ZNF519: variants seen among roughly 807,000 people sequenced by gnomAD.
ZNF519 encodes the protein similar to Zinc finger protein 85 (Zinc finger protein HPF4) (HTF1).
ZNF519 carries 7 observed loss-of-function variants against 7.4 expected under a neutral mutation model. The ratio of observed to expected loss-of-function variants is 0.94; its 90% CI spans 0.54 to 1.77. ZNF519 has a LOEUF of 1.77. Ranked by LOEUF, ZNF519 falls within the 40% of genes most tolerant of loss-of-function variation. The probability of loss-of-function intolerance (pLI) is 0.00; values close to 1 mark genes in which losing one functional copy is unlikely to be tolerated. For synonymous variants in ZNF519, 179 were observed against 203.3 expected (o/e 0.88, Z 1.02); for missense variants, 586 against 623.1 (o/e 0.94, Z 0.63).
intron 2 of ZNF519, chr18:14,124,055 C>G (rs1304808795): frequency 5.8e-6 from 1 of 173,644 alleles, no homozygotes; most frequent in African/African-American, 2.4e-5. Flanking sequence ...CGCCTGTAAT[C>G]CCAGCTATTC....
Position 14,104,325 on chromosome 18 carries a change from T to C in ZNF519, c.*592A>G, listed in dbSNP as rs1055651625. 2.6e-5 allele frequency: 4 copies of C among 152,306 alleles called. No homozygotes were observed. Among genetic ancestry groups the C allele is most frequent in the Admixed American group, 6.5e-5 (1 of 15,276 alleles). 9.4% of individuals were successfully genotyped at this position (152,306 alleles called of 1,614,324 possible). On this transcript the variant is annotated 3_prime_UTR_variant, in exon 3 of 3. Coordinates refer to ENST00000590202, the MANE Select transcript of ZNF519 (RefSeq NM_145287.4). Reference sequence around the variant, plus strand: ...GAACACCTAACTCATATATGACTTATATTCAGTGTTGTAAGTCAAACAAAA... The same window carrying C: ...GAACACCTAACTCATATATGACTTACATTCAGTGTTGTAAGTCAAACAAAA...
At chr18:14,095,035 AG>A (rs1434957634), downstream of ZNF519, among the ~76,000 whole-genome samples, 3 of 152,214 alleles carry the variant, frequency 2.0e-5, no homozygotes, top group Non-Finnish European at 4.4e-5. Flanking sequence ...CTTTAGGGTC[AG>A]TCCCTGGTGC....
At chr18:14,080,400 C>T (rs1024388426) in intron 3 of ZNF519, 2 of 142,234 alleles carry the variant, frequency 1.4e-5, no homozygotes, top group African/African-American at 5.2e-5. Flanking sequence ...CAGCTCACTG[C>T]AACCTCCACC....
rs747355879 is a variant in ZNF519 at position 14,105,819 on chromosome 18, T to C, written c.721A>G (p.Lys241Glu). 1 of 1,602,688 alleles carries C rather than the reference T, an allele frequency of 6.2e-7. No homozygotes were observed. The highest frequency in any genetic ancestry group is 1.1e-5 in the South Asian group (1 of 88,372). The change falls in exon 3 of 3, where the codon AAA (lysine) becomes GAA (glutamate). Residue 241 changes from lysine to glutamate, a missense_variant. Transcript: ENST00000590202. ...YIGESSQRCN[K>E]KCIIVFSQSH... ...TGACTAAAGACTATTATACATTTTT[T>C]ATTACATCTTTGTGAGCTCTCTCCA...
downstream of ZNF519, among the ~76,000 whole-genome samples, chr18:14,095,841 C>G (rs964411703): frequency 1.3e-5 from 2 of 152,226 alleles, no homozygotes; most frequent in East Asian, 3.9e-4. Context: ...GGAGCAGTCT[C>G]TTGGTTGCCA....
At chr18:14,112,977 T>A (rs985437392) in intron 2 of ZNF519, among the ~76,000 whole-genome samples, 4 of 151,962 alleles carry the variant, frequency 2.6e-5, no homozygotes, top group East Asian at 1.9e-4. Context: ...CAAGAAAAAA[T>A]TTTGCCTTTA....
In ZNF519 at chr18:14,105,195, G is replaced by C. The variant is rs748593382; in HGVS notation, c.1345C>G (p.Arg449Gly). The C allele has an allele frequency of 3.8e-5, 59 of 1,571,504 alleles. No individual in the cohort carries two copies. Among genetic ancestry groups the C allele is most frequent in the Admixed American group, 6.8e-5 (4 of 58,652 alleles). The change falls in exon 3 of 3, where the codon CGA (arginine) becomes GGA (glycine). Residue 449 changes from arginine to glycine, a missense_variant. Transcript: ENST00000590202. Reference protein sequence around the residue: ...KAFNRGSHLTRHQRIHTGEKS... With the variant: ...KAFNRGSHLTGHQRIHTGEKS... Reference sequence around the variant, plus strand: ...TCTCCAGTATGGATTCTTTGATGTCGAGTAAGGTGTGAGCCCCTGTTAAAG... The same window carrying C: ...TCTCCAGTATGGATTCTTTGATGTCCAGTAAGGTGTGAGCCCCTGTTAAAG...
At chr18:14,093,169 C>T (rs557019614) in intron 2 of ZNF519, among the ~76,000 whole-genome samples, 12 of 152,262 alleles carry the variant, frequency 7.9e-5, no homozygotes, top group South Asian at 6.2e-4. Flanking sequence ...CCAGTCTGTG[C>T]GAAAGGGCAG....
intron 2 of ZNF519, among the ~76,000 whole-genome samples, chr18:14,118,791 C>T (rs1457620362): frequency 6.6e-6 from 1 of 152,112 alleles, no homozygotes; most frequent in Admixed American, 6.5e-5. Context: ...AGCCATGGCC[C>T]TAGAGGCAGG....
In ZNF519 at chr18:14,100,402, C is replaced by A. The variant is rs1257215173; in HGVS notation, c.*4515G>T. On this transcript the variant is annotated 3_prime_UTR_variant, in exon 3 of 3. Transcript: ENST00000590202. ...CACTTTTATTCATAATAGCCACACA[C>A]TGACTGAAAACAACAAATATGTTCT... 4.6e-5 allele frequency: 7 copies of A among 152,166 alleles called. No homozygotes were observed. Among genetic ancestry groups the A allele is most frequent in the Admixed American group, 4.6e-4 (7 of 15,278 alleles). 9.4% of individuals were successfully genotyped at this position (152,166 alleles called of 1,614,324 possible).
At chr18:14,115,047 A>G (rs1405649966) in intron 2 of ZNF519, among the ~76,000 whole-genome samples, 1 of 152,252 alleles carries the variant, frequency 6.6e-6, no homozygotes, top group Non-Finnish European at 1.5e-5. Context: ...TGCACTTAAC[A>G]CCACGTTGAT....
rs142938262 is a variant in ZNF519, at chr18:14,110,493, C to T, written c.131-4084G>A. 9.1e-4 allele frequency among the ~76,000 whole-genome samples: 138 copies of T among 151,792 alleles called. 2 individuals carry two copies. In the East Asian group the frequency reaches 0.025, roughly 27 times the overall value. On this transcript the variant is annotated intron_variant, in intron 2 of 2. Coordinates refer to ENST00000590202, the MANE Select transcript of ZNF519 (RefSeq NM_145287.4). ...TCTATACAGAACTCAAATAAATTAGCCAAATAATAATAATTCCATCAAAAA... is the reference window on the plus strand; with the variant it reads ...TCTATACAGAACTCAAATAAATTAGTCAAATAATAATAATTCCATCAAAAA...
chr18:14,122,853 A>G (rs1188447253), intron 2 of ZNF519, among the ~76,000 whole-genome samples: 1 of 151,772 alleles, frequency 6.6e-6, no homozygotes, highest in Non-Finnish European at 1.5e-5. Flanking sequence ...ATACGTATAC[A>G]TGTGCCATGT....
At chr18:14,108,613 A>AT (rs766984208) in intron 2 of ZNF519, among the ~76,000 whole-genome samples, 6 of 151,792 alleles carry the variant, frequency 4.0e-5, no homozygotes, top group South Asian at 2.1e-4. Flanking sequence ...GGCTAAATGG[A>AT]TAAAAAAAAA....
chr18:14,116,256 T>G (rs937106073), intron 2 of ZNF519, among the ~76,000 whole-genome samples: 3 of 152,232 alleles, frequency 2.0e-5, no homozygotes, highest in African/African-American at 7.2e-5. Flanking sequence ...CCAGTGATAT[T>G]CAAATTCAAT....
downstream of ZNF519, chr18:14,075,188 C>A (rs948525595): frequency 1.3e-5 from 2 of 152,168 alleles, no homozygotes; most frequent in Non-Finnish European, 2.9e-5. Flanking sequence ...CCTCCCACAA[C>A]ACATAGGAAT....
intron 2 of ZNF519, among the ~76,000 whole-genome samples, chr18:14,115,908 G>A (rs9961445): frequency 1.3e-5 from 2 of 152,276 alleles, no homozygotes; most frequent in Admixed American, 6.5e-5. Context: ...GGAGAAAATG[G>A]GTAGTTGTTG....
downstream of ZNF519, among the ~76,000 whole-genome samples, chr18:14,095,812 G>C (rs1324158823): frequency 1.3e-5 from 2 of 152,212 alleles, no homozygotes; most frequent in African/African-American, 4.8e-5. Context: ...TGCTGCCCAG[G>C]ACTGGGGGAG....
intron 1 of ZNF519, among the ~76,000 whole-genome samples, chr18:14,130,972 G>A (rs1300154297): frequency 6.8e-6 from 1 of 147,262 alleles, no homozygotes; most frequent in East Asian, 2.0e-4. Flanking sequence ...CCATCCCTCA[G>A]TGTGTCCTCT....
Sources: gnomAD v4.1 joint callset for allele counts (sites outside exome capture counted in the v4.1 genomes callset) on GRCh38, gnomAD v4.1.1 for gene constraint, MANE v1.5 for transcripts, NCBI Gene and HGNC (gene_info 2026-07-23, HGNC 2026-07-21) for gene names.